Variants in GPR75 observed in about 807,000 individuals in gnomAD.
The protein encoded by GPR75 is G protein-coupled receptor 75.
In GPR75, 27 loss-of-function variants were observed where a neutral mutation model predicts 26.0. The observed-to-expected ratio is 1.04, with a 90% confidence interval of 0.77 to 1.43. The LOEUF (loss-of-function observed/expected upper bound fraction) is 1.43. Among genes scored for constraint, GPR75 ranks in the 40% most tolerant of loss-of-function variants. GPR75 has a pLI of 0.00. For missense variants in GPR75, 699 were observed against 662.3 expected (o/e 1.06, Z -0.61); for synonymous variants, 285 against 256.3 (o/e 1.11, Z -1.07).
In GPR75 at chr2:53,853,770, T is replaced by A; in HGVS notation, c.987A>T (p.Ser329=). ...CCAGTGGAAGACAGCACACCAGGAC[T>A]GACAGCACAATGATCACACAGGTGA... The part of the protein sequence containing the change: ...AVVTCVIIVL[S]VLVCCLPLGI... The change falls in exon 2 of 2, where the codon TCA becomes TCT. Residue 329 remains serine, a synonymous_variant. Coordinates refer to ENST00000394705, the MANE Select transcript of GPR75 (RefSeq NM_006794.4). 4 of 1,614,186 alleles carry A rather than the reference T, an allele frequency of 2.5e-6. No homozygotes were observed. Among genetic ancestry groups the A allele is most frequent in the Non-Finnish European group, 2.5e-6 (3 of 1,180,022 alleles).
rs1296676980 is a variant in GPR75, at chr2:53,853,313, A to G, written c.1444T>C (p.Tyr482His). ...GGGCTGCTGTTATAGATGCTGTAGT[A>G]AGGTTCAATCCGAGTGTTGATGGGG... ...STPINTRIEP[Y>H]YSIYNSSPSQ... is the part of the protein sequence containing the mutation. The change falls in exon 2 of 2, where the codon TAC becomes CAC. Residue 482 changes from tyrosine (Y) to histidine (H), a missense_variant. Coordinates refer to ENST00000394705, the MANE Select transcript of GPR75 (RefSeq NM_006794.4). 6.2e-7 allele frequency: 1 copy of G among 1,614,140 alleles called. No individual in the cohort carries two copies.
At chr2:53,856,687 G>T (rs572750629) in intron 1 of GPR75, among the ~76,000 whole-genome samples, 41 of 152,236 alleles carry the variant, frequency 2.7e-4, no homozygotes, top group African/African-American at 9.4e-4. Flanking sequence ...CTTAATCAAG[G>T]AAAAAGATAA....
At position 53,853,045 on chromosome 2, in the gene GPR75, T is replaced by C. The variant is rs183177354; in HGVS notation, c.*89A>G. On this transcript the variant is annotated 3_prime_UTR_variant, in exon 2 of 2. Transcript: ENST00000394705. ...ACTTTTCAGTTGAATCTTGTAGGTT[T>C]TGATCCGCCACTGATCTCAAGTTAG... 3.9e-5 allele frequency: 37 copies of C among 939,978 alleles called. 1 individual carries two copies. In the East Asian group the frequency reaches 6.8e-4, roughly 17 times the overall value. The allele number at this position is 939,978 out of a possible 1,614,324, so 58.2% of individuals were successfully genotyped here. A position where few individuals can be genotyped will look rare whatever the true frequency, so the allele number is the denominator to read the frequency against.
chr2:53,856,946 ATTTTTTTTT>A lies in GPR75; in HGVS notation c.-109-2090_-109-2082del, dbSNP rs10665107. Among the ~76,000 whole-genome samples the A allele has an allele frequency of 1.9e-4, 15 of 78,928 alleles. 1 individual carries two copies. The highest frequency in any genetic ancestry group is 3.0e-4 in the African/African-American group (6 of 20,186). The allele number at this position is 78,928 out of a possible 152,430, so 51.8% of individuals were successfully genotyped here. On this transcript the variant is annotated intron_variant, in intron 1 of 1. Transcript: ENST00000394705. Reference sequence around the variant, plus strand: ...TGATACCTATATAATGAGAAAGACAATTTTTTTTTTTTTTTTTTTTTTTTTTTTGAGACG... The same window carrying A: ...TGATACCTATATAATGAGAAAGACAATTTTTTTTTTTTTTTTTTTGAGACG...
intron 1 of GPR75, among the ~76,000 whole-genome samples, chr2:53,857,878 TTCA>T (rs1678273954): frequency 6.6e-6 from 1 of 152,026 alleles, no homozygotes; most frequent in East Asian, 1.9e-4. Context: ...GTACCCAGCC[TTCA>T]GTAAATTAAA....
At chr2:53,859,628 G>C (rs1375176663) in intron 1 of GPR75, among the ~76,000 whole-genome samples, 200 bp downstream of exon 1, 1 of 142,484 alleles carries the variant, frequency 7.0e-6, no homozygotes, top group African/African-American at 2.5e-5. Context: ...TGGGTGGGTG[G>C]GGGGGGTTCC....
intron 1 of GPR75, among the ~76,000 whole-genome samples, chr2:53,855,642 A>C (rs1678206400): frequency 1.3e-5 from 2 of 152,240 alleles, no homozygotes; most frequent in African/African-American, 4.8e-5. Context: ...GGGGACAGAC[A>C]GGCTAAGAGA....
At position 53,857,399 on chromosome 2, in the gene GPR75, C is replaced by T. The variant is rs142756987; in HGVS notation, c.-110+2429G>A. 5.5e-3 allele frequency among the ~76,000 whole-genome samples: 838 copies of T among 152,138 alleles called. 9 individuals are homozygous for T. Among genetic ancestry groups the T allele is most frequent in the African/African-American group, 0.019 (797 of 41,474 alleles). ...AGGGAGGTGATACTGGTGTCTCTAA[C>T]CCCCTTATCTCCAAGGGTTTCCTCT... On this transcript the variant is annotated intron_variant, in intron 1 of 1. Transcript: ENST00000394705.
rs1469133837 is a variant in GPR75, at chr2:53,853,872, C to T, written c.885G>A (p.Leu295=). The T allele has an allele frequency of 1.2e-6, 2 of 1,613,996 alleles. No individual in the cohort carries two copies. The highest frequency in any genetic ancestry group is 2.2e-5 in the South Asian group (2 of 91,074). The change falls in exon 2 of 2, where the codon CTG becomes CTA. Residue 295 remains leucine (L), a synonymous_variant. Transcript: ENST00000394705. The part of the protein sequence containing the change: ...TRGYTKSPNQ[L]VTPAASRLQL... ...GGAGTCGGCTTGCTGCAGGGGTGAC[C>T]AGTTGGTTGGGACTCTTGGTATATC...
In GPR75 at chr2:53,854,751, G is replaced by A. The variant is rs774813147; in HGVS notation, c.6C>T (p.Asn2=). The change falls in exon 2 of 2, where the codon AAC becomes AAT. Residue 2 remains asparagine (N), a synonymous_variant. Coordinates refer to ENST00000394705, the MANE Select transcript of GPR75 (RefSeq NM_006794.4). M[N]STGHLQDAPN... is the part of the protein sequence containing the mutation. Reference sequence around the variant, plus strand: ...GGGCATCCTGAAGGTGGCCTGTTGAGTTCATTTTCGGAGAGAAATGTCTCC... The same window carrying A: ...GGGCATCCTGAAGGTGGCCTGTTGAATTCATTTTCGGAGAGAAATGTCTCC... The A allele has an allele frequency of 5.0e-6, 8 of 1,609,024 alleles. No homozygotes were observed. The highest frequency in any genetic ancestry group is 5.9e-6 in the Non-Finnish European group (7 of 1,176,924).
chr2:53,858,866 C>T (rs1678302006), intron 1 of GPR75, among the ~76,000 whole-genome samples: 1 of 152,024 alleles, frequency 6.6e-6, no homozygotes, highest in Admixed American at 6.6e-5. Context: ...TGATTAAAGT[C>T]ACAAAATCAG....
Position 53,859,851 on chromosome 2 carries a change from C to T in GPR75, c.-133G>A. On this transcript the variant is annotated 5_prime_UTR_variant, in exon 1 of 2. Coordinates refer to ENST00000394705, the MANE Select transcript of GPR75 (RefSeq NM_006794.4). ...ACCTGCCGGGTGGCCGCAGCGCCGC[C>T]CCTCCTCCATCTCGCAGTCCGGACC... is the stretch of plus-strand genomic sequence containing the variant. The T allele has an allele frequency of 6.5e-7, 1 of 1,533,394 alleles. No individual in the cohort carries two copies. Among genetic ancestry groups the T allele is most frequent in the South Asian group, 1.2e-5 (1 of 83,378 alleles). The allele number at this position is 1,533,394 out of a possible 1,614,324, so 95.0% of individuals were successfully genotyped here.
Position 53,853,938 on chromosome 2 carries a change from C to T in GPR75, c.819G>A (p.Arg273=). 6.2e-7 allele frequency: 1 copy of T among 1,614,044 alleles called. No homozygotes were observed. Among genetic ancestry groups the T allele is most frequent in the Non-Finnish European group, 8.5e-7 (1 of 1,179,992 alleles). Residue 273 remains arginine (R), a synonymous_variant, in exon 2 of 2, where the codon AGG becomes AGA. Coordinates refer to ENST00000394705, the MANE Select transcript of GPR75 (RefSeq NM_006794.4). ...PIQCAMPALY[R]NQNYNKLQHV... ...GCTGCAGTTTGTTGTAATTCTGGTT[C>T]CTATACAGAGCCGGCATGGCACACT...
chr2:53,856,930 T>C (rs929501339), intron 1 of GPR75, among the ~76,000 whole-genome samples: 3 of 147,512 alleles, frequency 2.0e-5, no homozygotes, highest in East Asian at 2.0e-4. Flanking sequence ...TTGATACCTA[T>C]ATAATGAGAA....
At position 53,853,763 on chromosome 2, in the gene GPR75, C is replaced by T. The variant is rs940430745; in HGVS notation, c.994G>A (p.Val332Met). 1.2e-6 allele frequency: 2 copies of T among 1,614,156 alleles called. No homozygotes were observed. Among genetic ancestry groups the T allele is most frequent in the Non-Finnish European group, 1.7e-6 (2 of 1,180,032 alleles). The change falls in exon 2 of 2, where the codon GTG becomes ATG. Residue 332 changes from valine to methionine, a missense_variant. Coordinates refer to ENST00000394705, the MANE Select transcript of GPR75 (RefSeq NM_006794.4). ...TCVIIVLSVLVCCLPLGISLV... is the reference protein window; with the variant it reads ...TCVIIVLSVLMCCLPLGISLV... ...GAAATCCCCAGTGGAAGACAGCACA[C>T]CAGGACTGACAGCACAATGATCACA...
intron 1 of GPR75, among the ~76,000 whole-genome samples, chr2:53,855,673 G>A (rs1678207744): frequency 6.6e-6 from 1 of 152,154 alleles, no homozygotes. Flanking sequence ...GGTCTTTGCA[G>A]CAGAAGCACT....
rs1443971750 is a variant in GPR75 at position 53,853,339 on chromosome 2, G to T, written c.1418C>A (p.Thr473Asn). Residue 473 changes from threonine (T) to asparagine (N), a missense_variant, in exon 2 of 2, where the codon ACC (threonine) becomes AAC (asparagine). Transcript: ENST00000394705. ...GHQHCGQSSSTPINTRIEPYY... is the reference protein window; with the variant it reads ...GHQHCGQSSSNPINTRIEPYY... ...AGGTTCAATCCGAGTGTTGATGGGGGTCGAGCTGCTCTGACCACAGTGTTG... is the reference window on the plus strand; with the variant it reads ...AGGTTCAATCCGAGTGTTGATGGGGTTCGAGCTGCTCTGACCACAGTGTTG... The T allele has an allele frequency of 6.2e-7, 1 of 1,613,922 alleles. No individual in the cohort carries two copies. The highest frequency in any genetic ancestry group is 8.5e-7 in the Non-Finnish European group (1 of 1,179,922).
At position 53,853,141 on chromosome 2, in the gene GPR75, G is replaced by A; in HGVS notation, c.1616C>T (p.Ser539Phe). 1.2e-6 allele frequency: 2 copies of A among 1,611,794 alleles called. No individual in the cohort carries two copies. Among genetic ancestry groups the A allele is most frequent in the Non-Finnish European group, 1.7e-6 (2 of 1,178,132 alleles). ...CCTATAGCCTCCATGACTTTAAACG[G>A]AGGGGACTGGAATCTGCTTGGCTGA... ...STSAKQIPVP[S>F]V Residue 539 changes from serine to phenylalanine, a missense_variant, in exon 2 of 2, where the codon TCC becomes TTC. By Grantham distance (155) the Ser-to-Phe change is radical. Coordinates refer to ENST00000394705, the MANE Select transcript of GPR75 (RefSeq NM_006794.4).
At position 53,854,024 on chromosome 2, in the gene GPR75, C is replaced by T. The variant is rs767003346; in HGVS notation, c.733G>A (p.Asp245Asn). The stretch of plus-strand genomic sequence containing the variant: ...ATGAAAGGCTGTGGTCTGGAAGCAT[C>T]GACTGTGATTACAGGGGGGCACTTT... Reference protein sequence around the residue: ...VRKCPPVITVDASRPQPFMGV... With the variant: ...VRKCPPVITVNASRPQPFMGV... Residue 245 changes from aspartate (D) to asparagine (N), a missense_variant, in exon 2 of 2, where the codon GAT (aspartate) becomes AAT (asparagine). Coordinates refer to ENST00000394705, the MANE Select transcript of GPR75 (RefSeq NM_006794.4). The T allele has an allele frequency of 8.1e-6, 13 of 1,614,052 alleles. No individual in the cohort carries two copies. The East Asian group carries it at 2.0e-4, about 25-fold the overall frequency.
Sources: allele counts gnomAD v4.1 joint callset (sites outside exome capture counted in the v4.1 genomes callset), GRCh38; gene constraint gnomAD v4.1.1; transcripts MANE v1.5; gene names NCBI Gene and HGNC (gene_info 2026-07-23, HGNC 2026-07-21).